The following ERAP1 variants were observed in gnomAD, a reference collection of about 807,000 sequenced individuals.
ERAP1 encodes endoplasmic reticulum aminopeptidase 1, also known as adipocyte-derived leucine aminopeptidase.
ERAP1 carries 86 observed loss-of-function variants against 103.7 expected under a neutral mutation model. The ratio of observed to expected loss-of-function variants is 0.83; its 90% confidence interval spans 0.70 to 0.99. The LOEUF (loss-of-function observed/expected upper bound fraction) is 0.99. Ranked by LOEUF, ERAP1 falls within the 50% of genes least tolerant of loss-of-function variation. ERAP1 has a pLI of 0.00. For missense variants in ERAP1, 1,009 were observed against 1,128.4 expected (o/e 0.89, Z 1.52); for synonymous variants, 398 against 402.4 (o/e 0.99, Z 0.13).
the ERAP1 span, among the ~76,000 whole-genome samples, chr5:96,819,529 G>T: frequency 3.3e-5 from 5 of 152,282 alleles, no homozygotes; most frequent in East Asian, 9.6e-4. Flanking sequence ...GTGTGAGAGA[G>T]AGAGAGAAAA....
At chr5:96,821,609 A>G in the ERAP1 span, among the ~76,000 whole-genome samples, 2 of 152,208 alleles carry the variant, frequency 1.3e-5, no homozygotes, top group African/African-American at 2.4e-5. Flanking sequence ...AGGAGCACCA[A>G]CATCAAAGCA....
chr5:96,815,411 T>TTTG, the ERAP1 span, among the ~76,000 whole-genome samples: 43 of 103,010 alleles, frequency 4.2e-4, 3 homozygotes, highest in African/African-American at 1.1e-3. Context: ...TGTTTTGTTT[T>TTTG]TTATTTTTTT....
chr5:96,921,851 T>C, the ERAP1 span, among the ~76,000 whole-genome samples: 1 of 152,250 alleles, frequency 6.6e-6, no homozygotes, highest in Non-Finnish European at 1.5e-5. Flanking sequence ...CCCATAGTAA[T>C]AGCACCTGGT....
At chr5:96,846,586 T>C in the ERAP1 span, among the ~76,000 whole-genome samples, 1 of 152,042 alleles carries the variant, frequency 6.6e-6, no homozygotes, top group African/African-American at 2.4e-5. Context: ...TAGATTCCAG[T>C]AGGTCTGAGA....
chr5:96,935,725 C>T, the ERAP1 span: 1,692 of 184,984 alleles, frequency 9.1e-3, 33 homozygotes, highest in African/African-American at 0.038. Flanking sequence ...GCTCCTGGGA[C>T]TGGGACCATG....
the ERAP1 span, among the ~76,000 whole-genome samples, chr5:96,924,690 C>T: frequency 2.6e-5 from 4 of 151,852 alleles, no homozygotes; most frequent in African/African-American, 7.3e-5. Flanking sequence ...CTCCACCTCC[C>T]GGGTTCAGGT....
At chr5:96,828,148 G>A in the ERAP1 span, among the ~76,000 whole-genome samples, 2 of 152,166 alleles carry the variant, frequency 1.3e-5, no homozygotes, top group Non-Finnish European at 2.9e-5. Context: ...AAAACGTAGA[G>A]ACCATCTTTG....
At chr5:96,887,106 C>CACATATACAT in the ERAP1 span, among the ~76,000 whole-genome samples, 1 of 34,780 alleles carries the variant, frequency 2.9e-5, no homozygotes, top group African/African-American at 6.2e-5. Context: ...TATATACACA[C>CACATATACAT]ACACACACAC....
At chr5:96,829,093 G>C in the ERAP1 span, among the ~76,000 whole-genome samples, 31 of 152,222 alleles carry the variant, frequency 2.0e-4, no homozygotes, top group Non-Finnish European at 4.1e-4. Flanking sequence ...TGATCCGCCC[G>C]CCTCGGCCTC....
In ERAP1 at chr5:96,803,473, C is replaced by T. The variant is rs1778212362; in HGVS notation, c.454G>A (p.Ala152Thr). The part of the protein sequence containing the change: ...GLPYTVVIHY[A>T]GNLSETFHGF... The stretch of plus-strand genomic sequence containing the variant: ...TGGAAAGTCTCCGAAAGATTGCCAG[C>T]ATAGTGAATGACAACTGTGTACGGG... The change falls in exon 2 of 19, where the codon GCT becomes ACT. Residue 152 changes from alanine (A) to threonine (T), a missense_variant. Around this residue, in one of 3 missense-constraint regions of ERAP1, gnomAD observed 392 missense variants for 455.2 expected, o/e 0.86. Transcript: ENST00000443439. 1 of 1,613,170 alleles carries T rather than the reference C, an allele frequency of 6.2e-7. No homozygotes were observed. Among genetic ancestry groups the T allele is most frequent in the Admixed American group, 1.7e-5 (1 of 59,828 alleles).
At chr5:96,867,903 GTC>G in the ERAP1 span, among the ~76,000 whole-genome samples, 1 of 152,058 alleles carries the variant, frequency 6.6e-6, no homozygotes, top group Non-Finnish European at 1.5e-5. Context: ...GTGAAACATT[GTC>G]TCTACTACAA....
chr5:96,810,904 A>T, upstream of ERAP1, among the ~76,000 whole-genome samples: 1 of 152,126 alleles, frequency 6.6e-6, no homozygotes, highest in East Asian at 1.9e-4. Flanking sequence ...TAATCATATT[A>T]CCACTCTCCT....
At chr5:96,912,627 G>C in the ERAP1 span, 10,867 of 1,581,970 alleles carry the variant, frequency 6.9e-3, 61 homozygotes, top group Non-Finnish European at 8.4e-3. Context: ...TTTTATGCTT[G>C]ATATTACAGT....
At chr5:96,824,097 A>G in the ERAP1 span, among the ~76,000 whole-genome samples, 1 of 152,216 alleles carries the variant, frequency 6.6e-6, no homozygotes, top group East Asian at 1.9e-4. Context: ...AATGATGCAT[A>G]ATTGAAACCT....
chr5:96,762,465 G>A, exon 20 of ERAP1: 1 of 823,452 alleles, frequency 1.2e-6, no homozygotes, highest in East Asian at 2.7e-5. Flanking sequence ...ATGAAAATAG[G>A]CAGAATTATT....
At chr5:96,827,305 G>C in the ERAP1 span, among the ~76,000 whole-genome samples, 11 of 152,222 alleles carry the variant, frequency 7.2e-5, no homozygotes, top group African/African-American at 2.4e-4. Flanking sequence ...AAGTCAGTTG[G>C]GGGTAGAAGA....
chr5:96,926,592 A>G, the ERAP1 span, among the ~76,000 whole-genome samples: 1 of 152,344 alleles, frequency 6.6e-6, no homozygotes, highest in East Asian at 1.9e-4. Flanking sequence ...ATAACAATAT[A>G]TGGTCTTCTG....
the ERAP1 span, chr5:96,880,347 C>T: frequency 8.3e-7 from 1 of 1,210,020 alleles, no homozygotes; most frequent in Non-Finnish European, 1.1e-6. Flanking sequence ...CTTCAGCAGC[C>T]ATTTATGAGA....
At chr5:96,771,162 TTGA>T (rs1772161288), downstream of ERAP1, among the ~76,000 whole-genome samples, 3 of 152,216 alleles carry the variant, frequency 2.0e-5, no homozygotes, top group South Asian at 6.2e-4. Flanking sequence ...GGAAACAGCA[TTGA>T]TAATTGGCAG....
Sources: allele counts gnomAD v4.1 joint callset (sites outside exome capture counted in the v4.1 genomes callset), GRCh38; gene constraint gnomAD v4.1.1; regional missense constraint gnomAD v4.1.1; transcripts MANE v1.5; gene names NCBI Gene and HGNC (gene_info 2026-07-23, HGNC 2026-07-21).